SLCO1A2: variants seen among roughly 807,000 people sequenced by gnomAD.
The protein encoded by SLCO1A2 is OATP-1.
SLCO1A2 carries 67 observed loss-of-function variants against 69.0 expected under a neutral mutation model. That is an observed-to-expected ratio of 0.97 (90% CI 0.80 to 1.19). The LOEUF is 1.19. SLCO1A2 is among the 50% of genes most tolerant of loss of function. The pLI, the probability that SLCO1A2 is intolerant of heterozygous loss-of-function variation, is 0.00. For synonymous variants in SLCO1A2, 260 were observed against 265.9 expected (o/e 0.98, Z 0.22); for missense variants, 787 against 793.7 (o/e 0.99, Z 0.10).
At chr12:21,351,610 T>C (rs1172867115) in intron 2 of SLCO1A2, among the ~76,000 whole-genome samples, 1 of 151,844 alleles carries the variant, frequency 6.6e-6, no homozygotes, top group Non-Finnish European at 1.5e-5. Flanking sequence ...ACTCCATCTC[T>C]ACTAAAAAAT....
intron 2 of SLCO1A2, among the ~76,000 whole-genome samples, chr12:21,341,225 A>G: frequency 6.6e-6 from 1 of 151,948 alleles, no homozygotes; most frequent in East Asian, 1.9e-4. Flanking sequence ...GGGTGTGGGT[A>G]TGCCTATTGA....
intron 5 of SLCO1A2, among the ~76,000 whole-genome samples, chr12:21,306,144 C>T (rs990941011): frequency 1.3e-5 from 2 of 152,198 alleles, no homozygotes; most frequent in African/African-American, 2.4e-5. Flanking sequence ...AGAACTATAG[C>T]GTACTTGCCT....
At chr12:21,376,996 T>C (rs1940245409) in intron 1 of SLCO1A2, among the ~76,000 whole-genome samples, 1 of 152,132 alleles carries the variant, frequency 6.6e-6, no homozygotes, top group Non-Finnish European at 1.5e-5. Context: ...TAAAAGCACA[T>C]TGAAACAAAA....
At chr12:21,269,837 C>T (rs1390784076) in intron 14 of SLCO1A2, 70 bp from the exon 15 acceptor site, 49 of 1,209,516 alleles carry the variant, frequency 4.1e-5, no homozygotes, top group Non-Finnish European at 5.3e-5. Context: ...ATTTGTATAT[C>T]TTTGTATTTT....
chr12:21,377,406 G>A (rs964585111), intron 1 of SLCO1A2, among the ~76,000 whole-genome samples: 1 of 151,650 alleles, frequency 6.6e-6, no homozygotes, highest in African/African-American at 2.4e-5. Flanking sequence ...TCATTTTATT[G>A]TTTTAAGAAC....
chr12:21,378,535 T>C, intron 1 of SLCO1A2: 1 of 932,792 alleles, frequency 1.1e-6, no homozygotes. Context: ...GTGTCTGATG[T>C]TTGTTGCTAG....
At chr12:21,417,808 T>C (rs1942011559) in intron 1 of SLCO1A2, 1 of 152,064 alleles carries the variant, frequency 6.6e-6, no homozygotes, top group Admixed American at 6.6e-5. Flanking sequence ...TTAGATCCCA[T>C]TAGAAAAATA....
chr12:21,375,209 A>G (rs1000418169), intron 1 of SLCO1A2, among the ~76,000 whole-genome samples: 1 of 152,202 alleles, frequency 6.6e-6, no homozygotes, highest in African/African-American at 2.4e-5. Context: ...TTATAAAATT[A>G]TTTTGATGTT....
intron 3 of SLCO1A2, among the ~76,000 whole-genome samples, chr12:21,315,296 A>G (rs73069053): frequency 0.016 from 2,414 of 152,290 alleles, 38 homozygotes; most frequent in Middle Eastern, 0.12. Context: ...GTGAGTCTGG[A>G]TTTGAGGAAT....
intron 1 of SLCO1A2, among the ~76,000 whole-genome samples, chr12:21,414,033 C>G (rs1455137469): frequency 2.0e-5 from 3 of 152,024 alleles, no homozygotes; most frequent in Non-Finnish European, 4.4e-5. Context: ...TAGATTTAGG[C>G]GAATGCTGTA....
At chr12:21,269,945 TTA>T (rs1000845387) in intron 14 of SLCO1A2, among the ~76,000 whole-genome samples, 178 bp from the exon 15 acceptor site, 4 of 151,890 alleles carry the variant, frequency 2.6e-5, no homozygotes, top group East Asian at 1.9e-4. Context: ...TTAAAATATT[TTA>T]TGTTTTTTTA....
intron 1 of SLCO1A2, among the ~76,000 whole-genome samples, chr12:21,404,111 TGTATCA>T: frequency 6.6e-6 from 1 of 152,280 alleles, no homozygotes; most frequent in Middle Eastern, 3.4e-3. Context: ...TACAGATTAT[TGTATCA>T]GTAACTTTCT....
At chr12:21,365,733 G>A (rs1235155782) in intron 2 of SLCO1A2, among the ~76,000 whole-genome samples, 4 of 152,124 alleles carry the variant, frequency 2.6e-5, no homozygotes, top group African/African-American at 9.7e-5. Context: ...TAAAAAGTGG[G>A]TGAAGGATAT....
chr12:21,271,690 A>AACAT (rs1421410507), intron 14 of SLCO1A2, among the ~76,000 whole-genome samples: 3 of 129,726 alleles, frequency 2.3e-5, no homozygotes, highest in Admixed American at 1.5e-4. Flanking sequence ...TGTGTATATA[A>AACAT]ACATATATAC....
At chr12:21,419,571 G>A (rs112939833), upstream of SLCO1A2, 6 of 159,362 alleles carry the variant, frequency 3.8e-5, no homozygotes, top group Non-Finnish European at 6.8e-5. Context: ...AGGGTCCTAC[G>A]CCCACGGAGT....
intron 2 of SLCO1A2, among the ~76,000 whole-genome samples, chr12:21,345,253 A>G (rs1953215579): frequency 6.6e-6 from 1 of 152,020 alleles, no homozygotes; most frequent in South Asian, 2.1e-4. Context: ...AGGGCTAAAT[A>G]CATGTGAAAG....
intron 1 of SLCO1A2, chr12:21,378,595 C>A: frequency 1.8e-6 from 1 of 545,770 alleles, no homozygotes; most frequent in Non-Finnish European, 3.2e-6. Flanking sequence ...TAACTAAGGT[C>A]CCATAATAAA....
At chr12:21,410,161 T>C (rs1053220644) in intron 1 of SLCO1A2, among the ~76,000 whole-genome samples, 1 of 152,184 alleles carries the variant, frequency 6.6e-6, no homozygotes, top group African/African-American at 2.4e-5. Flanking sequence ...CCACCACCTA[T>C]CTCCTCCAGT....
chr12:21,383,288 A>G (rs1213775543), intron 1 of SLCO1A2, among the ~76,000 whole-genome samples: 1 of 152,050 alleles, frequency 6.6e-6, no homozygotes, highest in East Asian at 1.9e-4. Flanking sequence ...TTTGTTCCGT[A>G]TACAACTAAG....
Sources: gnomAD v4.1 joint callset for allele counts (sites outside exome capture counted in the v4.1 genomes callset) on GRCh38, gnomAD v4.1.1 for gene constraint, MANE v1.5 for transcripts, NCBI Gene and HGNC (gene_info 2026-07-23, HGNC 2026-07-21) for gene names.